EYS: variants seen among roughly 807,000 people sequenced by gnomAD.
EYS encodes the protein EGF-like photoreceptor maintenance factor.
EYS carries 250 observed loss-of-function variants against 282.1 expected under a neutral mutation model. That is an observed-to-expected ratio of 0.89 (90% CI 0.80 to 0.98). EYS has a LOEUF of 0.98. EYS is among the 50% of genes least tolerant of loss of function. The pLI is 0.00. For missense variants in EYS, 4,016 were observed against 3,709.0 expected (o/e 1.08, Z -2.15); for synonymous variants, 1,355 against 1,282.9 (o/e 1.06, Z -1.20).
rs541681543 is a variant in EYS at position 65,351,978 on chromosome 6, T to C, written c.1459+1480A>G. Among the ~76,000 whole-genome samples the C allele has an allele frequency of 3.3e-5, 5 of 151,946 alleles. No homozygotes were observed. The South Asian group carries it at 1.0e-3, about 31-fold the overall frequency. On this transcript the variant is annotated intron_variant, in intron 9 of 42. Coordinates refer to ENST00000503581, the MANE Select transcript of EYS (RefSeq NM_001142800.2). ...CCTCAACTATATTTATTTCTTTGTT[T>C]CGTCTGATTGTGTCATTTATAAAAT...
At chr6:64,110,753 A>G (rs551051927) in intron 31 of EYS, among the ~76,000 whole-genome samples, 2 of 152,108 alleles carry the variant, frequency 1.3e-5, no homozygotes, top group East Asian at 3.9e-4. Flanking sequence ...AGGAACTGTA[A>G]AAAGTGAGAG....
chr6:65,462,972 C>A (rs1186383875), intron 5 of EYS, among the ~76,000 whole-genome samples: 2 of 152,086 alleles, frequency 1.3e-5, no homozygotes, highest in South Asian at 2.1e-4. Flanking sequence ...TGGAAAATTT[C>A]TTTTCTCACA....
intron 2 of EYS, among the ~76,000 whole-genome samples, chr6:65,558,402 G>C (rs1768902645): frequency 6.6e-6 from 1 of 152,362 alleles, no homozygotes; most frequent in East Asian, 1.9e-4. Context: ...CATTGGGAGT[G>C]CGGAGAGGCC....
chr6:64,825,233 C>A (rs1308853796), intron 19 of EYS, among the ~76,000 whole-genome samples: 2 of 151,932 alleles, frequency 1.3e-5, no homozygotes, highest in Non-Finnish European at 2.9e-5. Flanking sequence ...GACTATTCAA[C>A]CACACAATAC....
intron 28 of EYS, among the ~76,000 whole-genome samples, chr6:64,421,842 G>T (rs1414448533): frequency 6.7e-6 from 1 of 149,476 alleles, no homozygotes; most frequent in African/African-American, 2.5e-5. Flanking sequence ...GAGAGAGAGC[G>T]CATTTTTTTG....
intron 12 of EYS, among the ~76,000 whole-genome samples, chr6:65,090,219 G>A (rs1774516152): frequency 6.6e-6 from 1 of 152,046 alleles, no homozygotes; most frequent in African/African-American, 2.4e-5. Flanking sequence ...TCATGGGAGT[G>A]GCTTACCCCT....
At chr6:64,285,608 G>T (rs1027368747) in intron 30 of EYS, among the ~76,000 whole-genome samples, 6 of 152,050 alleles carry the variant, frequency 3.9e-5, no homozygotes, top group African/African-American at 1.2e-4. Context: ...TACTCTACTG[G>T]TACCAATTTA....
chr6:63,877,181 T>C (rs1039867191), intron 35 of EYS, among the ~76,000 whole-genome samples: 3 of 152,208 alleles, frequency 2.0e-5, no homozygotes, highest in African/African-American at 7.2e-5. Context: ...CAAAAATCTC[T>C]CAGCATTTGC....
intron 22 of EYS, among the ~76,000 whole-genome samples, chr6:64,653,137 T>C (rs542938553): frequency 2.6e-5 from 4 of 151,974 alleles, no homozygotes; most frequent in East Asian, 3.9e-4. Context: ...TGGAGAGAAA[T>C]GCACCAAGGG....
chr6:64,587,090 T>C (rs895833677), intron 26 of EYS, among the ~76,000 whole-genome samples: 9 of 152,102 alleles, frequency 5.9e-5, no homozygotes, highest in Non-Finnish European at 1.2e-4. Context: ...CTAGCAATCA[T>C]GCACTTCAAA....
intron 19 of EYS, among the ~76,000 whole-genome samples, chr6:64,831,423 T>C (rs1161558258): frequency 2.0e-5 from 3 of 151,982 alleles, no homozygotes; most frequent in Non-Finnish European, 2.9e-5. Context: ...GAATATTATA[T>C]CTGTTTTCAG....
intron 35 of EYS, among the ~76,000 whole-genome samples, chr6:63,968,694 C>T (rs1430927073): frequency 6.6e-6 from 1 of 152,196 alleles, no homozygotes; most frequent in East Asian, 1.9e-4. Flanking sequence ...AAAAGACTCT[C>T]CTGCCAGATG....
intron 5 of EYS, among the ~76,000 whole-genome samples, chr6:65,432,176 T>C (rs1339745917): frequency 6.6e-6 from 1 of 152,150 alleles, no homozygotes; most frequent in Non-Finnish European, 1.5e-5. Flanking sequence ...ATTAATCTTT[T>C]CATAAGTCAG....
At chr6:65,056,342 G>A (rs1320794566) in intron 13 of EYS, among the ~76,000 whole-genome samples, 1 of 151,966 alleles carries the variant, frequency 6.6e-6, no homozygotes, top group Non-Finnish European at 1.5e-5. Context: ...AAGAATGTAT[G>A]AAAATCCAAA....
At chr6:64,971,264 G>T (rs1288210620) in intron 14 of EYS, among the ~76,000 whole-genome samples, 1 of 150,010 alleles carries the variant, frequency 6.7e-6, no homozygotes, top group Non-Finnish European at 1.5e-5. Context: ...AATGATATTT[G>T]CCTGAACAAA....
chr6:64,942,739 CTAAA>C (rs1050258111), intron 15 of EYS, among the ~76,000 whole-genome samples: 1 of 148,572 alleles, frequency 6.7e-6, no homozygotes, highest in African/African-American at 2.5e-5. Flanking sequence ...AACCTACCAA[CTAAA>C]TAAAGCCCCA....
chr6:65,601,685 T>A (rs1765622474), intron 2 of EYS, among the ~76,000 whole-genome samples: 1 of 151,934 alleles, frequency 6.6e-6, no homozygotes, highest in African/African-American at 2.4e-5. Context: ...TGCTTGTTAA[T>A]TTTTCTCGAA....
chr6:65,421,485 A>G (rs1198863556), intron 5 of EYS, among the ~76,000 whole-genome samples: 3 of 151,870 alleles, frequency 2.0e-5, no homozygotes, highest in Non-Finnish European at 2.9e-5. Context: ...CTTCATATCA[A>G]CAATAAGGCT....
chr6:65,329,810 T>C (rs527709062), intron 11 of EYS: 1 of 983,088 alleles, frequency 1.0e-6, no homozygotes, highest in African/African-American at 1.7e-5. Flanking sequence ...TTGTGCCATA[T>C]TCACATAAAG....
Sources: gnomAD v4.1 joint callset for allele counts (sites outside exome capture counted in the v4.1 genomes callset) on GRCh38, gnomAD v4.1.1 for gene constraint, MANE v1.5 for transcripts, NCBI Gene and HGNC (gene_info 2026-07-23, HGNC 2026-07-21) for gene names.